Variants in ATP2C2 observed in about 807,000 individuals in gnomAD.
ATP2C2 encodes ATPase secretory pathway Ca2+ transporting 2.
ATP2C2 carries 171 observed loss-of-function variants against 110.8 expected under a neutral mutation model. That is an observed-to-expected ratio of 1.54 (90% CI 1.36 to 1.75). The LOEUF (loss-of-function observed/expected upper bound fraction) is 1.75. Among genes scored for constraint, ATP2C2 ranks in the 40% most tolerant of loss-of-function variants. ATP2C2 has a pLI of 0.00. For synonymous variants in ATP2C2, 804 were observed against 508.4 expected (o/e 1.58, Z -7.82); for missense variants, 1,963 against 1,235.0 (o/e 1.59, Z -8.84).
intron 11 of ATP2C2, among the ~76,000 whole-genome samples, chr16:84,428,887 C>T (rs1329143430): frequency 6.6e-6 from 1 of 152,148 alleles, no homozygotes; most frequent in Non-Finnish European, 1.5e-5. Flanking sequence ...GTTGGACTTT[C>T]CCCCTAGACC....
intron 2 of ATP2C2, among the ~76,000 whole-genome samples, chr16:84,400,182 G>C (rs1905229736): frequency 6.6e-6 from 1 of 152,100 alleles, no homozygotes; most frequent in Non-Finnish European, 1.5e-5. Context: ...GGATACTTAG[G>C]CTCCTTCCAA....
intron 20 of ATP2C2, among the ~76,000 whole-genome samples, chr16:84,453,980 T>C (rs1185498387): frequency 6.6e-6 from 1 of 152,124 alleles, no homozygotes; most frequent in African/African-American, 2.4e-5. Flanking sequence ...TAGCTGGGAT[T>C]GCGGTGTGCA....
chr16:84,462,217 G>C, intron 26 of ATP2C2, 88 bp downstream of exon 26: 1 of 1,528,360 alleles, frequency 6.5e-7, no homozygotes, highest in Non-Finnish European at 8.8e-7. Context: ...AGCCCAGGAG[G>C]GGTCAGTGCG....
chr16:84,446,467 T>C, intron 16 of ATP2C2, 37 bp downstream of exon 16: 1 of 1,471,408 alleles, frequency 6.8e-7, no homozygotes, highest in Non-Finnish European at 9.2e-7. Flanking sequence ...TCTCTCTTTC[T>C]GCCCGGGCCC....
At chr16:84,398,022 T>C (rs1905097996) in intron 1 of ATP2C2, among the ~76,000 whole-genome samples, 1 of 151,844 alleles carries the variant, frequency 6.6e-6, no homozygotes, top group Admixed American at 6.6e-5. Flanking sequence ...CAGTCATATC[T>C]GTTTCTTAAT....
chr16:84,444,464 C>T lies in ATP2C2; in HGVS notation c.1401+1865C>T, dbSNP rs142980830. 4.6e-3 allele frequency among the ~76,000 whole-genome samples: 700 copies of T among 152,318 alleles called. 4 individuals are homozygous for T. The highest frequency in any genetic ancestry group is 7.0e-3 in the Non-Finnish European group (476 of 68,020). On this transcript the variant is annotated intron_variant, in intron 15 of 26. Coordinates refer to ENST00000262429, the MANE Select transcript of ATP2C2 (RefSeq NM_014861.4). ...CTCCAGCCTGGGTGACAGAGCAAGACTCCGTCTCAAAAAAACAAACAGAAA... is the reference window on the plus strand; with the variant it reads ...CTCCAGCCTGGGTGACAGAGCAAGATTCCGTCTCAAAAAAACAAACAGAAA...
intron 11 of ATP2C2, among the ~76,000 whole-genome samples, chr16:84,435,467 C>T (rs532781703): frequency 5.3e-5 from 8 of 152,332 alleles, no homozygotes; most frequent in Admixed American, 4.6e-4. Flanking sequence ...ATACCCCCTT[C>T]TTCATGCAGC....
At chr16:84,462,548 T>C (rs1415357915) in intron 26 of ATP2C2, 3 of 162,956 alleles carry the variant, frequency 1.8e-5, no homozygotes, top group Non-Finnish European at 4.0e-5. Context: ...GGAGCTGGGC[T>C]GTCTTCCAGT....
chr16:84,453,764 C>G (rs1037130695), intron 20 of ATP2C2, among the ~76,000 whole-genome samples: 1 of 152,116 alleles, frequency 6.6e-6, no homozygotes, highest in South Asian at 2.1e-4. Context: ...GGGACCTTTG[C>G]TACATACAGT....
At position 84,407,709 on chromosome 16, in the gene ATP2C2, C is replaced by T. The variant is rs182393670; in HGVS notation, c.328-696C>T. On this transcript the variant is annotated intron_variant, in intron 3 of 26. Transcript: ENST00000262429. ...CTGGACTGAAACTCCTGGGCTCAAG[C>T]AGTCCTCCCATTTCTGCCTCCCAAA... Among the ~76,000 whole-genome samples, 12 of 152,206 alleles carry T rather than the reference C, an allele frequency of 7.9e-5. No individual in the cohort carries two copies. The East Asian group carries it at 1.9e-3, about 24-fold the overall frequency.
Position 84,423,280 on chromosome 16 carries a change from C to T in ATP2C2, c.919+17C>T. ...GCATAATCGGTGAGTGAAGCAGTTT[C>T]CATACTGGGTTTGTTCTGCAGATGG... On this transcript the variant is annotated intron_variant, in intron 10 of 26. Coordinates refer to ENST00000262429, the MANE Select transcript of ATP2C2 (RefSeq NM_014861.4). The T allele has an allele frequency of 6.2e-7, 1 of 1,610,420 alleles. No individual in the cohort carries two copies. The highest frequency in any genetic ancestry group is 1.3e-5 in the African/African-American group (1 of 74,942).
chr16:84,442,666 C>A, intron 15 of ATP2C2, 67 bp downstream of exon 15: 1 of 1,478,282 alleles, frequency 6.8e-7, no homozygotes, highest in Non-Finnish European at 9.4e-7. Flanking sequence ...TGGTAGAAAG[C>A]CAGCTCCTGT....
At chr16:84,383,741 GTGTGTGTGTA>G (rs993281871) in intron 1 of ATP2C2, among the ~76,000 whole-genome samples, 10 of 147,338 alleles carry the variant, frequency 6.8e-5, no homozygotes, top group Admixed American at 4.1e-4. Context: ...ACATCTGTGT[GTGTGTGTGTA>G]TGTGTGTGTT....
chr16:84,449,575 C>G (rs557991235), intron 17 of ATP2C2, among the ~76,000 whole-genome samples: 2 of 152,260 alleles, frequency 1.3e-5, no homozygotes, highest in Admixed American at 1.3e-4. Context: ...TTAGCTTGCC[C>G]TGAGCCTTGA....
chr16:84,431,531 G>A (rs980982975), intron 11 of ATP2C2, among the ~76,000 whole-genome samples: 1 of 152,030 alleles, frequency 6.6e-6, no homozygotes, highest in African/African-American at 2.4e-5. Context: ...GGGATGGACT[G>A]GAAGAGGTGG....
intron 11 of ATP2C2, among the ~76,000 whole-genome samples, chr16:84,428,926 G>GTGCT (rs1908019854): frequency 6.6e-6 from 1 of 152,174 alleles, no homozygotes; most frequent in African/African-American, 2.4e-5. Context: ...TGATGCAGTG[G>GTGCT]TGCTGTACAG....
chr16:84,439,755 A>C (rs1349061003), intron 13 of ATP2C2, among the ~76,000 whole-genome samples: 1 of 152,228 alleles, frequency 6.6e-6, no homozygotes, highest in Non-Finnish European at 1.5e-5. Context: ...ATTAATTATA[A>C]GCACATTGCA....
chr16:84,461,899 C>T, intron 25 of ATP2C2, 87 bp downstream of exon 25: 2 of 1,607,808 alleles, frequency 1.2e-6, no homozygotes, highest in Middle Eastern at 1.7e-4. Context: ...CATTGAGCGG[C>T]TCTGGCTCAG....
intron 14 of ATP2C2, among the ~76,000 whole-genome samples, chr16:84,441,288 T>C (rs1002184593): frequency 1.3e-5 from 2 of 151,994 alleles, no homozygotes; most frequent in Admixed American, 1.3e-4. Flanking sequence ...TTAAAAAAAT[T>C]ATTTAAAAAG....
Sources: allele counts gnomAD v4.1 joint callset (sites outside exome capture counted in the v4.1 genomes callset), GRCh38; gene constraint gnomAD v4.1.1; transcripts MANE v1.5; gene names NCBI Gene and HGNC (gene_info 2026-07-23, HGNC 2026-07-21).